The following CD163L1 variants were observed in gnomAD, a reference collection of about 807,000 sequenced individuals.
CD163L1 encodes the protein scavenger receptor cysteine-rich type 1 protein M160.
Under a neutral mutation model 165.4 loss-of-function variants are expected in CD163L1, and 124 were observed. The observed-to-expected ratio is 0.75, with a 90% CI of 0.65 to 0.87. CD163L1 has a LOEUF of 0.87. CD163L1 is among the 40% of genes least tolerant of loss of function. The pLI is 0.00. For missense variants in CD163L1, 1,525 were observed against 1,799.9 expected (o/e 0.85, Z 2.76); for synonymous variants, 585 against 662.2 (o/e 0.88, Z 1.79).
At position 7,410,858 on chromosome 12, in the gene CD163L1, A is replaced by AAT. The variant is rs747000107; in HGVS notation, c.767-4008_767-4007dup. ...AAAATAAAAAATAAATATAAATATA[A>AAT]ATATATATATATAATAAAAAATAGT... On this transcript the variant is annotated intron_variant, in intron 4 of 19. Coordinates refer to ENST00000313599, the MANE Select transcript of CD163L1 (RefSeq NM_174941.6). Among the ~76,000 whole-genome samples, 16 of 147,970 alleles carry AAT rather than the reference A, an allele frequency of 1.1e-4. No homozygotes were observed. The East Asian group carries it at 1.4e-3, about 13-fold the overall frequency.
chr12:7,367,556 T>G (rs1432705507), intron 17 of CD163L1: 4 of 375,568 alleles, frequency 1.1e-5, no homozygotes, highest in African/African-American at 2.0e-5. Context: ...TTACATAGTA[T>G]TTACTATGTG....
Position 7,432,421 on chromosome 12 carries a change from C to A in CD163L1, c.761G>T (p.Cys254Phe). 1 of 1,609,160 alleles carries A rather than the reference C, an allele frequency of 6.2e-7. No individual in the cohort carries two copies. Among genetic ancestry groups the A allele is most frequent in the East Asian group, 2.2e-5 (1 of 44,832 alleles). Residue 254 changes from cysteine (C) to phenylalanine (F), a missense_variant, in exon 4 of 20, where the codon TGT (cysteine) becomes TTT (phenylalanine). Physicochemically the swap from Cys to Phe is radical, Grantham distance 205. Coordinates refer to ENST00000313599, the MANE Select transcript of CD163L1 (RefSeq NM_174941.6). The surrounding 1 kb of genome is among the most constrained non-coding windows in gnomAD (Gnocchi z 4.2). ...CSHNEDVTLT[C>F]YDSSDLELRL... ...ATGATGTCTTGGGTTCTTACCATAA[C>A]AAGTTAATGTGACATCCTCATTGTG...
At chr12:7,435,158 T>C (rs1223792083) in intron 2 of CD163L1, among the ~76,000 whole-genome samples, 1 of 152,070 alleles carries the variant, frequency 6.6e-6, no homozygotes, top group Non-Finnish European at 1.5e-5. Context: ...AATATACTGA[T>C]TAAGGTGTTT....
intron 2 of CD163L1, among the ~76,000 whole-genome samples, chr12:7,436,756 T>A (rs1003172747): frequency 6.6e-6 from 1 of 152,004 alleles, no homozygotes; most frequent in African/African-American, 2.4e-5. Context: ...TTGGCACTAA[T>A]GAAAAATATA....
the CD163L1 span, among the ~76,000 whole-genome samples, chr12:7,330,335 T>A: frequency 6.6e-6 from 1 of 152,214 alleles, no homozygotes; most frequent in Admixed American, 6.5e-5. Context: ...AACTTAATAA[T>A]AAGTCCATTT....
intron 2 of CD163L1, among the ~76,000 whole-genome samples, chr12:7,433,999 T>C (rs10459096): frequency 0.49 from 74,703 of 152,064 alleles, 22,675 homozygotes; most frequent in Non-Finnish European, 0.69. Context: ...AGGTTTGCTG[T>C]TGTGCACGCA....
rs912160806 is a variant in CD163L1 at position 7,369,241 on chromosome 12, C to T, written c.4039+116G>A. On this transcript the variant is annotated intron_variant, in intron 15 of 19. Coordinates refer to ENST00000313599, the MANE Select transcript of CD163L1 (RefSeq NM_174941.6). This position sits in a 1 kb window ranked among gnomAD's most constrained non-coding sequence, Gnocchi z 4.9. The stretch of plus-strand genomic sequence containing the variant: ...AAAACGTTAGTTTAACATAGCCTTT[C>T]ATTCTTCAACAAGAAATCCTAGTAT... 2.6e-6 allele frequency: 3 copies of T among 1,168,178 alleles called. No homozygotes were observed. The African/African-American group carries it at 4.6e-5, about 18-fold the overall frequency. 72.4% of individuals were successfully genotyped at this position (1,168,178 alleles called of 1,614,324 possible).
At chr12:7,440,022 G>T in intron 2 of CD163L1, 2 of 1,381,052 alleles carry the variant, frequency 1.4e-6, no homozygotes, top group African/African-American at 1.4e-5. Context: ...AGGAAAACCC[G>T]CTGCGACACA....
the CD163L1 span, among the ~76,000 whole-genome samples, chr12:7,338,851 C>T: frequency 4.6e-5 from 7 of 152,162 alleles, no homozygotes; most frequent in Non-Finnish European, 1.0e-4. Context: ...CAGAGAATTC[C>T]ATGTCCTCTC....
Position 7,432,591 on chromosome 12 carries a change from TC to T in CD163L1, c.590del (p.Gly197AspfsTer56). On this transcript the variant is annotated frameshift_variant, in exon 4 of 20. Coordinates refer to ENST00000313599, the MANE Select transcript of CD163L1 (RefSeq NM_174941.6). LOFTEE classifies it high-confidence loss of function. This position sits in a 1 kb window ranked among gnomAD's most constrained non-coding sequence, Gnocchi z 4.2. ...NTAAVVCRQL[G>X]CPSSFISSGV... ...CAGAAGAAATAAAAGAAGATGGACA[TC>T]CTAGTTGCCTGCACACCACGGCAGC... The T allele has an allele frequency of 6.2e-7, 1 of 1,614,128 alleles. No homozygotes were observed.
chr12:7,415,764 T>C (rs1200677061), intron 4 of CD163L1, among the ~76,000 whole-genome samples: 1 of 152,218 alleles, frequency 6.6e-6, no homozygotes, highest in Non-Finnish European at 1.5e-5. Context: ...ACTCACCCGT[T>C]TTTTGGCTAC....
rs753715318 is a variant in CD163L1, at chr12:7,431,549, G to A, written c.766+867C>T. 4.0e-4 allele frequency among the ~76,000 whole-genome samples: 61 copies of A among 150,704 alleles called. No homozygotes were observed. In the South Asian group the frequency reaches 0.012, roughly 31 times the overall value. On this transcript the variant is annotated intron_variant, in intron 4 of 19. Transcript: ENST00000313599. ...TGAAGGACTTAAAAGTGATCCCCTA[G>A]TTGAACAACGAGAACGCATAGACAC...
At position 7,403,864 on chromosome 12, in the gene CD163L1, A is replaced by G. The variant is rs957260183; in HGVS notation, c.1088-9T>C. ...TTCCAAATCTGCTCCATCTAGGATGAAGTCACAGAGAAACGTCTGAATTGG... is the reference window on the plus strand; with the variant it reads ...TTCCAAATCTGCTCCATCTAGGATGGAGTCACAGAGAAACGTCTGAATTGG... On this transcript the variant is annotated splice_polypyrimidine_tract_variant and intron_variant, in intron 5 of 19. Transcript: ENST00000313599. 61 of 1,609,570 alleles carry G rather than the reference A, an allele frequency of 3.8e-5. No individual in the cohort carries two copies. The highest frequency in any genetic ancestry group is 5.0e-5 in the Non-Finnish European group (59 of 1,177,478).
chr12:7,354,695 C>CA (rs1237773008), downstream of CD163L1, among the ~76,000 whole-genome samples: 1 of 152,066 alleles, frequency 6.6e-6, no homozygotes, highest in African/African-American at 2.4e-5. Context: ...ATCAGGGTGC[C>CA]AGCATGATTC....
In CD163L1 at chr12:7,441,146, G is replaced by C; in HGVS notation, c.124+8C>G. 1 of 1,602,784 alleles carries C rather than the reference G, an allele frequency of 6.2e-7. No individual in the cohort carries two copies. Among genetic ancestry groups the C allele is most frequent in the African/African-American group, 1.3e-5 (1 of 74,792 alleles). ...TAAGCCCAAAAGTTATCATCCATCA[G>C]AACTCACTAAAACTGCTGATGAGAA... On this transcript the variant is annotated splice_region_variant and intron_variant, in intron 2 of 19. Coordinates refer to ENST00000313599, the MANE Select transcript of CD163L1 (RefSeq NM_174941.6).
chr12:7,408,443 T>C (rs1251392260), intron 4 of CD163L1, among the ~76,000 whole-genome samples: 1 of 152,186 alleles, frequency 6.6e-6, no homozygotes, highest in Non-Finnish European at 1.5e-5. Context: ...ACATTAGCAA[T>C]ATTTTTAAAC....
intron 9 of CD163L1, among the ~76,000 whole-genome samples, chr12:7,377,730 C>T (rs191674843): frequency 1.3e-5 from 2 of 152,100 alleles, no homozygotes; most frequent in Non-Finnish European, 2.9e-5. Context: ...CTTTTTGAAA[C>T]ATCTTCCCTT....
At chr12:7,333,656 G>T in the CD163L1 span, among the ~76,000 whole-genome samples, 32 of 152,292 alleles carry the variant, frequency 2.1e-4, no homozygotes, top group South Asian at 6.4e-3. Flanking sequence ...AGAACTGAAG[G>T]AGATAGAGAC....
intron 8 of CD163L1, among the ~76,000 whole-genome samples, chr12:7,392,187 C>T (rs1203762362): frequency 6.6e-6 from 1 of 152,140 alleles, no homozygotes; most frequent in Admixed American, 6.6e-5. Context: ...AAGCACTCCT[C>T]AGCAAATGTA....
Sources: allele counts gnomAD v4.1 joint callset (sites outside exome capture counted in the v4.1 genomes callset), GRCh38; gene constraint gnomAD v4.1.1; non-coding constraint Gnocchi (gnomAD v3.1); transcripts MANE v1.5; gene names NCBI Gene and HGNC (gene_info 2026-07-23, HGNC 2026-07-21).